CSMD1: variants seen among roughly 807,000 people sequenced by gnomAD.
The protein encoded by CSMD1 is CUB and Sushi multiple domains 1.
A neutral mutation model predicts 417.5 loss-of-function variants in CSMD1; 213 were observed. That is an observed-to-expected ratio of 0.51 (90% CI 0.46 to 0.57). The LOEUF is 0.57. CSMD1 is among the 20% of genes least tolerant of loss of function. The probability of loss-of-function intolerance (pLI) is 0.00; values close to 1 mark genes in which losing one functional copy is unlikely to be tolerated. For synonymous variants in CSMD1, 2,862 were observed against 1,736.8 expected (o/e 1.65, Z -16.11); for missense variants, 6,923 against 4,529.7 (o/e 1.53, Z -15.17).
chr8:4,938,080 T>G lies in CSMD1; in HGVS notation c.85+56252A>C, dbSNP rs557826279. Among the ~76,000 whole-genome samples the G allele has an allele frequency of 5.9e-5, 9 of 152,296 alleles. No individual in the cohort carries two copies. In the East Asian group the frequency reaches 9.6e-4, roughly 16 times the overall value. ...TATTAATTTCCAAATGATTAAAATT[T>G]TATCCCTTTTAGTAGCAACAAAGAA... On this transcript the variant is annotated intron_variant, in intron 1 of 69. Transcript: ENST00000635120.
chr8:4,950,695 A>T (rs1369813768), intron 1 of CSMD1, among the ~76,000 whole-genome samples: 5 of 152,202 alleles, frequency 3.3e-5, no homozygotes, highest in African/African-American at 1.2e-4. Flanking sequence ...CTTTGATTAC[A>T]TTGGCAATAA....
In CSMD1 at chr8:4,167,027, C is replaced by A. The variant is rs561273163; in HGVS notation, c.416-134928G>T. 2.1e-4 allele frequency among the ~76,000 whole-genome samples: 32 copies of A among 152,156 alleles called. 1 individual carries two copies. The highest frequency in any genetic ancestry group is 7.2e-4 in the African/African-American group (30 of 41,498). On this transcript the variant is annotated intron_variant, in intron 3 of 69. Transcript: ENST00000635120. The stretch of plus-strand genomic sequence containing the variant: ...GTTTGTGAAATCTTTTTGTGTTTCC[C>A]AGGGGACTGCTAGAAAACAGCAACA...
At position 3,919,856 on chromosome 8, in the gene CSMD1, A is replaced by AT. The variant is rs200904970; in HGVS notation, c.818+78046dup. Among the ~76,000 whole-genome samples, 71 of 152,034 alleles carry AT rather than the reference A, an allele frequency of 4.7e-4. 2 individuals carry two copies. In the South Asian group the frequency reaches 0.013, roughly 28 times the overall value. On this transcript the variant is annotated intron_variant, in intron 5 of 69. Transcript: ENST00000635120. Reference sequence around the variant, plus strand: ...GTACAGATCATTCACCTCCTTGGTTATTTTTTCCCCAAGTATTTCATTCTT... The same window carrying AT: ...GTACAGATCATTCACCTCCTTGGTTATTTTTTTCCCCAAGTATTTCATTCTT...
At chr8:4,190,274 A>C (rs1021769324) in intron 3 of CSMD1, among the ~76,000 whole-genome samples, 15 of 145,288 alleles carry the variant, frequency 1.0e-4, no homozygotes, top group African/African-American at 3.7e-4. Context: ...AAAAAAAAAA[A>C]AGCAGAGACT....
chr8:3,951,605 C>T (rs902600270), intron 5 of CSMD1, among the ~76,000 whole-genome samples: 3 of 152,112 alleles, frequency 2.0e-5, no homozygotes, highest in Non-Finnish European at 4.4e-5. Flanking sequence ...AGAAATACTA[C>T]TACTCTAGGA....
chr8:3,621,144 A>T (rs1486052352), intron 7 of CSMD1, among the ~76,000 whole-genome samples: 1 of 152,160 alleles, frequency 6.6e-6, no homozygotes, highest in Non-Finnish European at 1.5e-5. Context: ...CCAAACCTTG[A>T]TCTCAGGCTT....
intron 25 of CSMD1, among the ~76,000 whole-genome samples, chr8:3,287,249 T>G (rs1360466202): frequency 2.0e-5 from 3 of 151,086 alleles, no homozygotes; most frequent in South Asian, 2.1e-4. Flanking sequence ...GCCTCCAGCT[T>G]TGTTCTTTTG....
intron 5 of CSMD1, among the ~76,000 whole-genome samples, chr8:3,950,905 T>C (rs919948358): frequency 2.0e-5 from 3 of 152,046 alleles, no homozygotes; most frequent in African/African-American, 4.8e-5. Flanking sequence ...TAATAAAAAA[T>C]AAGGAAAACC....
intron 2 of CSMD1, among the ~76,000 whole-genome samples, chr8:4,424,061 T>C (rs994815467): frequency 2.0e-5 from 3 of 151,940 alleles, no homozygotes; most frequent in African/African-American, 4.8e-5. Flanking sequence ...GGATTACAAA[T>C]ATAAATGTAA....
intron 1 of CSMD1, among the ~76,000 whole-genome samples, chr8:4,880,077 T>C (rs1010029311): frequency 5.3e-5 from 8 of 152,098 alleles, no homozygotes; most frequent in Non-Finnish European, 8.8e-5. Flanking sequence ...GCTGAACTTA[T>C]TAGTTTTGGC....
chr8:4,197,958 T>A (rs1223324421), intron 3 of CSMD1, among the ~76,000 whole-genome samples: 1 of 152,206 alleles, frequency 6.6e-6, no homozygotes, highest in African/African-American at 2.4e-5. Context: ...CTTCTATTCA[T>A]TGGCTTGACT....
Position 4,440,879 on chromosome 8 carries a change from C to T in CSMD1, c.303-20814G>A, listed in dbSNP as rs1206154518. The stretch of plus-strand genomic sequence containing the variant: ...GGGAGTGGGGGTGAATGCCTATAGT[C>T]CCAGCTACTTGGGAGACTGAGGCAT... On this transcript the variant is annotated intron_variant, in intron 2 of 69. Coordinates refer to ENST00000635120, the MANE Select transcript of CSMD1 (RefSeq NM_033225.6). 2.0e-5 allele frequency among the ~76,000 whole-genome samples: 3 copies of T among 151,466 alleles called. No individual in the cohort carries two copies. The East Asian group carries it at 5.9e-4, about 30-fold the overall frequency.
At chr8:3,628,250 G>C (rs1308784131) in intron 7 of CSMD1, among the ~76,000 whole-genome samples, 2 of 152,054 alleles carry the variant, frequency 1.3e-5, no homozygotes, top group Non-Finnish European at 2.9e-5. Flanking sequence ...AATGAGAATA[G>C]TTCTTTCTTT....
chr8:3,633,837 A>C (rs1157253488), intron 7 of CSMD1, among the ~76,000 whole-genome samples: 1 of 152,192 alleles, frequency 6.6e-6, no homozygotes, highest in Non-Finnish European at 1.5e-5. Flanking sequence ...ATGAAGTGTT[A>C]AATATCAGGC....
intron 1 of CSMD1, among the ~76,000 whole-genome samples, chr8:4,668,538 C>T (rs1253423517): frequency 4.6e-5 from 7 of 151,324 alleles, no homozygotes; most frequent in African/African-American, 1.7e-4. Flanking sequence ...CAAGCTCCGC[C>T]TCCCTGGTTC....
intron 10 of CSMD1, among the ~76,000 whole-genome samples, chr8:3,524,169 G>C (rs1224882501): frequency 6.8e-6 from 1 of 146,654 alleles, no homozygotes; most frequent in East Asian, 2.1e-4. Context: ...CCAGAGACGT[G>C]CACACACATG....
At chr8:4,253,543 T>C (rs1464898375) in intron 3 of CSMD1, among the ~76,000 whole-genome samples, 1 of 152,192 alleles carries the variant, frequency 6.6e-6, no homozygotes, top group Admixed American at 6.5e-5. Flanking sequence ...GATGATGTTA[T>C]TTAATCTTGG....
intron 30 of CSMD1, among the ~76,000 whole-genome samples, chr8:3,207,151 C>CTT (rs35120987): frequency 2.1e-5 from 2 of 95,320 alleles, no homozygotes; most frequent in African/African-American, 4.1e-5. Context: ...TTTTCATTTT[C>CTT]TTTTTTTTTT....
chr8:3,914,057 T>G (rs934898000), intron 5 of CSMD1, among the ~76,000 whole-genome samples: 1 of 152,148 alleles, frequency 6.6e-6, no homozygotes, highest in African/African-American at 2.4e-5. Context: ...TAATATTAAG[T>G]GGAAATGATC....
Sources: gnomAD v4.1 joint callset for allele counts (sites outside exome capture counted in the v4.1 genomes callset) on GRCh38, gnomAD v4.1.1 for gene constraint, MANE v1.5 for transcripts, NCBI Gene and HGNC (gene_info 2026-07-23, HGNC 2026-07-21) for gene names.